The following SCAMP1 variants were observed in gnomAD, a reference collection of about 807,000 sequenced individuals.
The protein encoded by SCAMP1 is secretory carrier membrane protein 1, also known as secretory carrier-associated membrane protein 1.
A neutral mutation model predicts 41.8 loss-of-function variants in SCAMP1; 15 were observed. The observed-to-expected ratio is 0.36, with a 90% CI of 0.24 to 0.55. The LOEUF is 0.55. SCAMP1 is among the 20% of genes least tolerant of loss of function. The probability of loss-of-function intolerance (pLI) is 0.86; values close to 1 mark genes in which losing one functional copy is unlikely to be tolerated. For missense variants in SCAMP1, 341 were observed against 412.6 expected (o/e 0.83, Z 1.50); for synonymous variants, 135 against 136.8 (o/e 0.99, Z 0.09).
chr5:78,417,878 T>A (rs993637221), intron 4 of SCAMP1, among the ~76,000 whole-genome samples: 14 of 152,090 alleles, frequency 9.2e-5, no homozygotes, highest in African/African-American at 3.4e-4. Context: ...CAGAAATAGG[T>A]TATTGTTCTT....
chr5:78,360,661 G>A lies in SCAMP1; in HGVS notation c.-11G>A. On this transcript the variant is annotated 5_prime_UTR_variant, in exon 1 of 9. Coordinates refer to ENST00000621999, the MANE Select transcript of SCAMP1 (RefSeq NM_004866.6). ...GCCTGGGTCGGGTGGGTGACGCCGA[G>A]AGCCAGAGAGATGTCGGATTTCGAC... The A allele has an allele frequency of 6.2e-7, 1 of 1,607,562 alleles. No individual in the cohort carries two copies. The highest frequency in any genetic ancestry group is 8.5e-7 in the Non-Finnish European group (1 of 1,177,382).
At chr5:78,416,860 A>G (rs189761840) in intron 4 of SCAMP1, among the ~76,000 whole-genome samples, 1 of 152,264 alleles carries the variant, frequency 6.6e-6, no homozygotes, top group East Asian at 1.9e-4. Flanking sequence ...AGCTTAGAAC[A>G]GTGTTAGCCT....
intron 6 of SCAMP1, among the ~76,000 whole-genome samples, chr5:78,446,411 C>T (rs1753053252): frequency 6.6e-6 from 1 of 151,936 alleles, no homozygotes; most frequent in African/African-American, 2.4e-5. Context: ...ATTATTCAGC[C>T]CCTTTTTAGA....
intron 3 of SCAMP1, among the ~76,000 whole-genome samples, 156 bp from the exon 4 acceptor site, chr5:78,416,385 T>C (rs1752208534): frequency 6.6e-6 from 1 of 152,220 alleles, no homozygotes; most frequent in South Asian, 2.1e-4. Context: ...ATCCTCATAA[T>C]ATTTTCTGTA....
At chr5:78,465,852 C>G (rs552519011) in intron 8 of SCAMP1, among the ~76,000 whole-genome samples, 2 of 152,320 alleles carry the variant, frequency 1.3e-5, no homozygotes, top group Admixed American at 1.3e-4. Context: ...TTTCTTCTTC[C>G]TCAGAGGAAC....
rs78564031 is a variant in SCAMP1, at chr5:78,416,493, A to G, written c.235-48A>G. On this transcript the variant is annotated intron_variant, in intron 3 of 8. Coordinates refer to ENST00000621999, the MANE Select transcript of SCAMP1 (RefSeq NM_004866.6). ...GGAGTTAGCATATAAATGTTAAAGT[A>G]TTTTATACTTCTGACAGTCTATTCA... The G allele has an allele frequency of 3.8e-3, 5,353 of 1,394,104 alleles. 181 individuals carry two copies. In the African/African-American group the frequency reaches 0.068, roughly 18 times the overall value. The allele number at this position is 1,394,104 out of a possible 1,614,324, so 86.4% of individuals were successfully genotyped here. A position where few individuals can be genotyped will look rare whatever the true frequency, so the allele number is the denominator to read the frequency against.
chr5:78,441,055 G>T, intron 6 of SCAMP1, among the ~76,000 whole-genome samples: 1 of 152,200 alleles, frequency 6.6e-6, no homozygotes, highest in East Asian at 1.9e-4. Context: ...AAGACCATTG[G>T]AAAAGCACAG....
intron 8 of SCAMP1, among the ~76,000 whole-genome samples, chr5:78,470,196 T>C (rs11750781): frequency 0.18 from 27,869 of 152,110 alleles, 3,470 homozygotes; most frequent in East Asian, 0.54. Flanking sequence ...ACATAAACTT[T>C]GACATTTTAA....
At chr5:78,459,792 G>A (rs1048879931) in intron 8 of SCAMP1, among the ~76,000 whole-genome samples, 1 of 151,942 alleles carries the variant, frequency 6.6e-6, no homozygotes, top group Non-Finnish European at 1.5e-5. Context: ...AAATTCAGAG[G>A]GAACATGTGC....
intron 2 of SCAMP1, among the ~76,000 whole-genome samples, chr5:78,393,491 T>C (rs998425611): frequency 2.6e-5 from 4 of 152,220 alleles, no homozygotes; most frequent in Admixed American, 1.3e-4. Flanking sequence ...TTATAACTTA[T>C]ATATTCACCA....
chr5:78,414,734 A>G (rs1752167213), intron 2 of SCAMP1, among the ~76,000 whole-genome samples: 2 of 152,128 alleles, frequency 1.3e-5, no homozygotes, highest in Admixed American at 6.6e-5. Flanking sequence ...TTCAGACACT[A>G]CTGATCCTCA....
rs574097203 is a variant in SCAMP1 at position 78,458,748 on chromosome 5, C to T, written c.735-497C>T. Among the ~76,000 whole-genome samples the T allele has an allele frequency of 2.6e-5, 4 of 152,238 alleles. No individual in the cohort carries two copies. In the East Asian group the frequency reaches 7.7e-4, roughly 29 times the overall value. ...TACAAAAAGTAGCCAGGCGTGGTGG[C>T]ACGCACCTGTAATCCCAGCTACTCA... On this transcript the variant is annotated intron_variant, in intron 7 of 8. Coordinates refer to ENST00000621999, the MANE Select transcript of SCAMP1 (RefSeq NM_004866.6).
At chr5:78,367,066 A>G (rs1347532290) in intron 1 of SCAMP1, among the ~76,000 whole-genome samples, 1 of 152,186 alleles carries the variant, frequency 6.6e-6, no homozygotes. Context: ...TTAATCTGGA[A>G]CATAGTGGTT....
At chr5:78,471,967 A>G (rs369966260) in intron 8 of SCAMP1, among the ~76,000 whole-genome samples, 1 of 152,078 alleles carries the variant, frequency 6.6e-6, no homozygotes, top group Admixed American at 6.6e-5. Context: ...TGATTTTCCT[A>G]GAACTAAATA....
intron 5 of SCAMP1, among the ~76,000 whole-genome samples, chr5:78,420,838 G>T (rs1487081289): frequency 1.3e-5 from 2 of 152,114 alleles, no homozygotes; most frequent in Non-Finnish European, 2.9e-5. Flanking sequence ...GATTTGTAAA[G>T]AAATCTTAAA....
At chr5:78,460,188 A>G (rs779171015) in intron 8 of SCAMP1, among the ~76,000 whole-genome samples, 19 of 152,158 alleles carry the variant, frequency 1.2e-4, no homozygotes, top group Non-Finnish European at 7.4e-5. Flanking sequence ...TGACTTTGCT[A>G]TTGTGACTAG....
rs760349410 is a variant in SCAMP1, at chr5:78,475,603, G to A, written c.952G>A (p.Ala318Thr). ...MSNKTVQTAA[A>T]NAASTAASSA... ...CAACAAAACTGTCCAGACCGCAGCT[G>A]CAAATGCAGCTTCAACTGCAGCATC... is the stretch of plus-strand genomic sequence containing the variant. The change falls in exon 9 of 9, where the codon GCA (alanine) becomes ACA (threonine). Residue 318 changes from alanine to threonine, a missense_variant. Ala to Thr is a moderately conservative substitution (Grantham distance 58, BLOSUM62 0). Coordinates refer to ENST00000621999, the MANE Select transcript of SCAMP1 (RefSeq NM_004866.6). The A allele has an allele frequency of 1.9e-6, 3 of 1,606,718 alleles. No individual in the cohort carries two copies. The Admixed American group carries it at 5.1e-5, about 27-fold the overall frequency.
chr5:78,415,260 A>G (rs1207129653), intron 2 of SCAMP1, among the ~76,000 whole-genome samples: 1 of 152,072 alleles, frequency 6.6e-6, no homozygotes, highest in African/African-American at 2.4e-5. Context: ...GCCTCTATTA[A>G]CATACGGTAT....
intron 5 of SCAMP1, among the ~76,000 whole-genome samples, chr5:78,421,350 A>G (rs1374576012): frequency 6.6e-6 from 1 of 152,196 alleles, no homozygotes; most frequent in East Asian, 1.9e-4. Flanking sequence ...AGTCACTAGA[A>G]ATTGCTACTG....
Sources: allele counts gnomAD v4.1 joint callset (sites outside exome capture counted in the v4.1 genomes callset), GRCh38; gene constraint gnomAD v4.1.1; transcripts MANE v1.5; gene names NCBI Gene and HGNC (gene_info 2026-07-23, HGNC 2026-07-21).